Variants in ROBO1 observed in about 807,000 individuals in gnomAD.
ROBO1 encodes roundabout homolog 1.
A neutral mutation model predicts 195.9 loss-of-function variants in ROBO1; 149 were observed. The ratio of observed to expected loss-of-function variants is 0.76; its 90% CI spans 0.67 to 0.87. The LOEUF is 0.87. ROBO1 is among the 40% of genes least tolerant of loss of function. The probability of loss-of-function intolerance (pLI) is 0.00; values close to 1 mark genes in which losing one functional copy is unlikely to be tolerated. For missense variants in ROBO1, 1,933 were observed against 2,068.3 expected, an observed-to-expected ratio of 0.93 and a Z score of 1.27; for synonymous variants, 816 against 733.2, an observed-to-expected ratio of 1.11 and a Z score of -1.82.
intron 3 of ROBO1, among the ~76,000 whole-genome samples, chr3:79,122,660 C>A (rs1221596412): frequency 2.0e-5 from 3 of 151,836 alleles, no homozygotes; most frequent in Non-Finnish European, 4.4e-5. Context: ...GATAGTGATG[C>A]TCCCAAATGG....
At chr3:79,009,325 T>C (rs1282384569) in intron 3 of ROBO1, among the ~76,000 whole-genome samples, 1 of 152,026 alleles carries the variant, frequency 6.6e-6, no homozygotes, top group African/African-American at 2.4e-5. Flanking sequence ...GTTTTAGACA[T>C]GATACTGTTT....
rs544561957 is a variant in ROBO1 at position 78,869,745 on chromosome 3, C to T, written c.499+68856G>A. On this transcript the variant is annotated intron_variant, in intron 4 of 30. Coordinates refer to ENST00000464233, the MANE Select transcript of ROBO1 (RefSeq NM_002941.4). ...AAGTGCTGGGGTTACATACATGGGCCGCCACCCCTGGCCTGGCATATTTAT... is the reference window on the plus strand; with the variant it reads ...AAGTGCTGGGGTTACATACATGGGCTGCCACCCCTGGCCTGGCATATTTAT... Among the ~76,000 whole-genome samples, 162 of 152,200 alleles carry T rather than the reference C, an allele frequency of 1.1e-3. 1 individual carries two copies. The highest frequency in any genetic ancestry group is 2.0e-3 in the Non-Finnish European group (134 of 68,022).
At chr3:78,604,691 A>C (rs899162915) in intron 29 of ROBO1, among the ~76,000 whole-genome samples, 2 of 152,194 alleles carry the variant, frequency 1.3e-5, no homozygotes, top group African/African-American at 4.8e-5. Context: ...CACAGAACAA[A>C]GAGAAACTGC....
At position 79,028,919 on chromosome 3, in the gene ROBO1, T is replaced by C. The variant is rs575064244; in HGVS notation, c.173-89992A>G. 3.7e-4 allele frequency among the ~76,000 whole-genome samples: 56 copies of C among 152,212 alleles called. 2 individuals carry two copies. Among genetic ancestry groups the C allele is most frequent in the Admixed American group, 2.0e-3 (31 of 15,276 alleles). ...CACCAGAAAGTAAACTCTTTTCTTT[T>C]AGTAAGGGCAATAAATTAAGACATA... On this transcript the variant is annotated intron_variant, in intron 3 of 30. Transcript: ENST00000464233.
intron 3 of ROBO1, among the ~76,000 whole-genome samples, chr3:79,003,702 A>G (rs1337691526): frequency 6.6e-6 from 1 of 152,160 alleles, no homozygotes; most frequent in Non-Finnish European, 1.5e-5. Flanking sequence ...TGACATGGCT[A>G]GTTGGTAATG....
intron 2 of ROBO1, among the ~76,000 whole-genome samples, chr3:79,432,107 T>C (rs1416527797): frequency 6.6e-6 from 1 of 152,104 alleles, no homozygotes; most frequent in East Asian, 1.9e-4. Flanking sequence ...TATTTCTTTT[T>C]GTTTTTTAGA....
intron 2 of ROBO1, among the ~76,000 whole-genome samples, chr3:79,389,667 C>T (rs2036878150): frequency 6.6e-6 from 1 of 152,058 alleles, no homozygotes; most frequent in African/African-American, 2.4e-5. Context: ...CTAAGTGGAA[C>T]CATCCATGAT....
Position 79,171,413 on chromosome 3 carries a change from CAA to C in ROBO1, c.89-45876_89-45875del, listed in dbSNP as rs34894151. Among the ~76,000 whole-genome samples, 495 of 65,816 alleles carry C rather than the reference CAA, an allele frequency of 7.5e-3. 1 individual carries two copies. The highest frequency in any genetic ancestry group is 0.02 in the African/African-American group (422 of 20,886). The allele number at this position is 65,816 out of a possible 152,430, so 43.2% of individuals were successfully genotyped here. On this transcript the variant is annotated intron_variant, in intron 2 of 30. Transcript: ENST00000464233. The stretch of plus-strand genomic sequence containing the variant: ...GCAAGTATATATGCCATGAAAATTG[CAA>C]AAAAAAAAAAAAAAAAGCCATAACA...
chr3:79,080,527 C>T (rs997120245), intron 3 of ROBO1, among the ~76,000 whole-genome samples: 8 of 151,722 alleles, frequency 5.3e-5, no homozygotes, highest in Admixed American at 3.3e-4. Context: ...ATTTAAAATC[C>T]TGCCTTAAAT....
At chr3:78,609,910 T>C (rs1020262013) in intron 28 of ROBO1, among the ~76,000 whole-genome samples, 1 of 152,216 alleles carries the variant, frequency 6.6e-6, no homozygotes, top group Non-Finnish European at 1.5e-5. Context: ...TGAAACTTAT[T>C]TTCTTTTGGC....
chr3:79,268,120 C>T (rs2030163193), intron 2 of ROBO1, among the ~76,000 whole-genome samples: 1 of 151,600 alleles, frequency 6.6e-6, no homozygotes, highest in Non-Finnish European at 1.5e-5. Flanking sequence ...ATCACAGGTA[C>T]ATTTTGGTAA....
At chr3:79,232,057 A>T (rs1400354716) in intron 2 of ROBO1, among the ~76,000 whole-genome samples, 1 of 151,914 alleles carries the variant, frequency 6.6e-6, no homozygotes, top group Non-Finnish European at 1.5e-5. Flanking sequence ...ATTGGAGGGT[A>T]GAGAATGAGA....
chr3:79,596,917 T>C (rs1213459590), intron 1 of ROBO1, among the ~76,000 whole-genome samples: 7 of 152,010 alleles, frequency 4.6e-5, no homozygotes, highest in Admixed American at 6.6e-5. Flanking sequence ...TAGTATATTA[T>C]AGCATGTATG....
At chr3:78,656,641 G>A (rs901938677) in intron 18 of ROBO1, among the ~76,000 whole-genome samples, 9 of 152,038 alleles carry the variant, frequency 5.9e-5, no homozygotes, top group Non-Finnish European at 1.3e-4. Context: ...ATGAGCCACC[G>A]CACCTGGCCT....
At chr3:79,430,293 C>A (rs762987728) in intron 2 of ROBO1, among the ~76,000 whole-genome samples, 25 of 151,976 alleles carry the variant, frequency 1.6e-4, no homozygotes, top group Non-Finnish European at 3.2e-4. Context: ...CTTTACTCTG[C>A]TTAATTCATG....
chr3:79,715,846 C>A (rs944081044), intron 1 of ROBO1, among the ~76,000 whole-genome samples: 5 of 151,902 alleles, frequency 3.3e-5, no homozygotes, highest in Non-Finnish European at 7.4e-5. Flanking sequence ...ATAGAAGAAC[C>A]AAAATATATT....
intron 3 of ROBO1, chr3:79,019,467 G>C (rs868660091): frequency 1.0e-6 from 1 of 986,286 alleles, no homozygotes; most frequent in Non-Finnish European, 1.2e-6. Context: ...ATTGCTTGTG[G>C]GTTTCCCCCA....
chr3:78,979,130 T>C (rs1210071354), intron 3 of ROBO1, among the ~76,000 whole-genome samples: 2 of 152,186 alleles, frequency 1.3e-5, no homozygotes, highest in Non-Finnish European at 2.9e-5. Flanking sequence ...TGTGTTCCTG[T>C]CCATGCCTCA....
chr3:78,643,215 T>C (rs1368866851), intron 21 of ROBO1, among the ~76,000 whole-genome samples: 1 of 152,162 alleles, frequency 6.6e-6, no homozygotes, highest in Non-Finnish European at 1.5e-5. Flanking sequence ...ATTTGATAAC[T>C]ACTCAACTCT....
Sources: gnomAD v4.1 joint callset for allele counts (sites outside exome capture counted in the v4.1 genomes callset) on GRCh38, gnomAD v4.1.1 for gene constraint, MANE v1.5 for transcripts, NCBI Gene and HGNC (gene_info 2026-07-23, HGNC 2026-07-21) for gene names.